PAK1: variants seen among roughly 807,000 people sequenced by gnomAD.
PAK1 encodes the protein p21 (RAC1) activated kinase 1, also known as serine/threonine-protein kinase PAK 1.
In PAK1, 29 loss-of-function variants were observed where a neutral mutation model predicts 67.4. That is an observed-to-expected ratio of 0.43 (90% CI 0.32 to 0.59). The LOEUF (loss-of-function observed/expected upper bound fraction) is 0.59, where lower values mean the gene tolerates loss of function less well. PAK1 is among the 20% of genes least tolerant of loss of function. The probability of loss-of-function intolerance (pLI) is 0.07; values close to 1 mark genes in which losing one functional copy is unlikely to be tolerated. For synonymous variants in PAK1, 223 were observed against 237.4 expected (o/e 0.94, Z 0.56); for missense variants, 337 against 670.7 (o/e 0.50, Z 5.50).
At chr11:77,390,961 C>T (rs1686923198) in intron 2 of PAK1, among the ~76,000 whole-genome samples, 1 of 152,176 alleles carries the variant, frequency 6.6e-6, no homozygotes, top group African/African-American at 2.4e-5. Context: ...GCTTATAAGA[C>T]ATATCTATAT....
rs1162977470 is a variant in PAK1, at chr11:77,392,533, C to T, written c.-13G>A. 3 of 1,579,418 alleles carry T rather than the reference C, an allele frequency of 1.9e-6. No homozygotes were observed. Among genetic ancestry groups the T allele is most frequent in the Non-Finnish European group, 2.6e-6 (3 of 1,157,720 alleles). ...CGTTATTTGACATTGTCACCACCAGCAGCAGCTACTAGAATCAGAAATAAG... is the reference window on the plus strand; with the variant it reads ...CGTTATTTGACATTGTCACCACCAGTAGCAGCTACTAGAATCAGAAATAAG... On this transcript the variant is annotated 5_prime_UTR_variant, in exon 2 of 15. Transcript: ENST00000356341.
At chr11:77,438,374 C>T (rs1316362243) in intron 1 of PAK1, among the ~76,000 whole-genome samples, 4 of 152,162 alleles carry the variant, frequency 2.6e-5, no homozygotes, top group Non-Finnish European at 4.4e-5. Flanking sequence ...CCAAGCCCCA[C>T]CTCCAACATT....
intron 14 of PAK1, chr11:77,325,280 T>C (rs1194770059): frequency 6.2e-7 from 1 of 1,612,564 alleles, no homozygotes. Context: ...GCCAAGAGCA[T>C]ACACACTTGA....
At chr11:77,330,270 A>T (rs1221841815) in intron 14 of PAK1, among the ~76,000 whole-genome samples, 2 of 152,126 alleles carry the variant, frequency 1.3e-5, no homozygotes, top group Non-Finnish European at 2.9e-5. Context: ...TCTTCACAGA[A>T]TTGGAAAAAA....
chr11:77,409,972 C>T (rs1435756221), intron 1 of PAK1, among the ~76,000 whole-genome samples: 2 of 152,052 alleles, frequency 1.3e-5, no homozygotes, highest in Non-Finnish European at 2.9e-5. Flanking sequence ...CCTATATAGT[C>T]CCCTTTCCCA....
At chr11:77,470,473 G>A (rs1412297243) in intron 1 of PAK1, among the ~76,000 whole-genome samples, 3 of 152,064 alleles carry the variant, frequency 2.0e-5, no homozygotes, top group Non-Finnish European at 4.4e-5. Flanking sequence ...CCCAGCACAG[G>A]GTCTGGCACA....
At chr11:77,359,259 T>C (rs1946452739) in intron 5 of PAK1, among the ~76,000 whole-genome samples, 1 of 152,138 alleles carries the variant, frequency 6.6e-6, no homozygotes, top group African/African-American at 2.4e-5. Context: ...AGCCTAGCTG[T>C]GAATGGGAAG....
intron 5 of PAK1, among the ~76,000 whole-genome samples, chr11:77,370,783 A>G (rs1299465461): frequency 6.6e-6 from 1 of 152,222 alleles, no homozygotes; most frequent in South Asian, 2.1e-4. Flanking sequence ...ACATGAATTC[A>G]GTTTACTATC....
chr11:77,494,159 A>C, the PAK1 span, among the ~76,000 whole-genome samples: 1 of 152,258 alleles, frequency 6.6e-6, no homozygotes, highest in Non-Finnish European at 1.5e-5. Flanking sequence ...TAGCACAAAT[A>C]CATGAAGTTC....
At chr11:77,350,405 G>C (rs117999696) in intron 8 of PAK1, among the ~76,000 whole-genome samples, 2 of 152,074 alleles carry the variant, frequency 1.3e-5, no homozygotes, top group Admixed American at 1.3e-4. Context: ...GACAGAGAAG[G>C]GGGGAAGAAA....
chr11:77,349,859 G>C (rs1944992846), intron 8 of PAK1, among the ~76,000 whole-genome samples: 1 of 151,948 alleles, frequency 6.6e-6, no homozygotes, highest in South Asian at 2.1e-4. Context: ...GAATGTGTTT[G>C]GGGGTGGGCC....
the PAK1 span, among the ~76,000 whole-genome samples, chr11:77,483,823 A>C: frequency 6.6e-6 from 1 of 152,252 alleles, no homozygotes; most frequent in Non-Finnish European, 1.5e-5. Context: ...CAATTCGTGG[A>C]GATGAAAATT....
chr11:77,357,225 C>T (rs1216944890), intron 6 of PAK1, among the ~76,000 whole-genome samples: 1 of 152,118 alleles, frequency 6.6e-6, no homozygotes, highest in Non-Finnish European at 1.5e-5. Flanking sequence ...TCCACAGAGA[C>T]TAAAGCCAAC....
the PAK1 span, among the ~76,000 whole-genome samples, chr11:77,491,192 AAAAG>A: frequency 1.3e-5 from 2 of 152,100 alleles, no homozygotes; most frequent in Non-Finnish European, 2.9e-5. Flanking sequence ...TAAAAAAAAA[AAAAG>A]AAATCATTAG....
intron 1 of PAK1, among the ~76,000 whole-genome samples, chr11:77,470,272 T>C (rs979178362): frequency 2.5e-4 from 38 of 152,234 alleles, no homozygotes; most frequent in Admixed American, 7.2e-4. Flanking sequence ...GTCAAAATGA[T>C]GCTTGTTTGA....
intron 1 of PAK1, among the ~76,000 whole-genome samples, chr11:77,421,490 C>A (rs1426788321): frequency 6.6e-6 from 1 of 152,214 alleles, no homozygotes; most frequent in African/African-American, 2.4e-5. Flanking sequence ...CATCAACTGA[C>A]ATTTATTTGC....
upstream of PAK1, among the ~76,000 whole-genome samples, chr11:77,477,928 TAA>T (rs1257424578): frequency 5.3e-5 from 8 of 152,082 alleles, no homozygotes; most frequent in African/African-American, 1.9e-4. Flanking sequence ...GTCTCAAAAA[TAA>T]ACAAGTAAGA....
chr11:77,463,648 C>T lies in PAK1; in HGVS notation c.-22+9904G>A, dbSNP rs147570090. The stretch of plus-strand genomic sequence containing the variant: ...AAAAGTGCTTGTTCATCTCCTCATT[C>T]TAGCACTCTAGAGAGGAGAAGAGAG... On this transcript the variant is annotated intron_variant, in intron 1 of 14. Coordinates refer to ENST00000356341, the MANE Select transcript of PAK1 (RefSeq NM_002576.5). Among the ~76,000 whole-genome samples the T allele has an allele frequency of 1.2e-4, 19 of 152,346 alleles. No homozygotes were observed. The East Asian group carries it at 3.3e-3, about 26-fold the overall frequency.
At chr11:77,397,540 G>A (rs1951995399) in intron 1 of PAK1, among the ~76,000 whole-genome samples, 1 of 152,194 alleles carries the variant, frequency 6.6e-6, no homozygotes, top group South Asian at 2.1e-4. Context: ...CTCTTTTGAA[G>A]CATGCTATAC....
Sources: allele counts gnomAD v4.1 joint callset (sites outside exome capture counted in the v4.1 genomes callset), GRCh38; gene constraint gnomAD v4.1.1; transcripts MANE v1.5; gene names NCBI Gene and HGNC (gene_info 2026-07-23, HGNC 2026-07-21).